The following KCNMA1 variants were observed in gnomAD, a reference collection of about 807,000 sequenced individuals.
KCNMA1 encodes the protein Calcium-activated potassium channel subunit alpha-1.
In KCNMA1, 29 loss-of-function variants were observed where a neutral mutation model predicts 140.0. The ratio of observed to expected loss-of-function variants is 0.21; its 90% CI spans 0.15 to 0.28. The LOEUF (loss-of-function observed/expected upper bound fraction) is 0.28, where lower values mean the gene tolerates loss of function less well. Among genes scored for constraint, KCNMA1 ranks in the 10% least tolerant of loss-of-function variants. The probability of loss-of-function intolerance (pLI) is 1.00; values close to 1 mark genes in which losing one functional copy is unlikely to be tolerated. For synonymous variants in KCNMA1, 612 were observed against 611.9 expected, an observed-to-expected ratio of 1.00 and a Z score of 0.00; for missense variants, 880 against 1,602.2, an observed-to-expected ratio of 0.55 and a Z score of 7.70.
chr10:77,481,206 A>G (rs35787), intron 1 of KCNMA1, among the ~76,000 whole-genome samples: 23,349 of 152,082 alleles, frequency 0.15, 1,957 homozygotes, highest in African/African-American at 0.21. Flanking sequence ...TATTTCTCCA[A>G]TGAAAGCATA....
intron 2 of KCNMA1, among the ~76,000 whole-genome samples, chr10:77,314,894 C>T (rs1042555407): frequency 1.3e-5 from 2 of 150,162 alleles, no homozygotes; most frequent in Non-Finnish European, 3.0e-5. Context: ...TACTTTACAA[C>T]ATGGTTCAGA....
intron 1 of KCNMA1, among the ~76,000 whole-genome samples, chr10:77,496,683 T>C (rs1382589105): frequency 1.4e-5 from 2 of 140,690 alleles, no homozygotes; most frequent in Non-Finnish European, 3.1e-5. Flanking sequence ...ACCATGTTTG[T>C]TTACCTACTT....
At chr10:77,278,635 C>T (rs968266868) in intron 2 of KCNMA1, among the ~76,000 whole-genome samples, 3 of 152,152 alleles carry the variant, frequency 2.0e-5, no homozygotes, top group Non-Finnish European at 4.4e-5. Context: ...AAAATATTTT[C>T]TCTGCCATAT....
intron 1 of KCNMA1, among the ~76,000 whole-genome samples, chr10:77,575,191 A>G (rs576177712): frequency 2.0e-4 from 31 of 152,134 alleles, no homozygotes; most frequent in African/African-American, 7.2e-4. Flanking sequence ...CAACAGCCCC[A>G]CCGTTCCAAT....
chr10:76,952,043 A>T (rs1289986371), intron 21 of KCNMA1: 1 of 1,552,168 alleles, frequency 6.4e-7, no homozygotes. Context: ...TCACCTCCTT[A>T]AACTTTTTTA....
At chr10:76,945,007 G>T in intron 22 of KCNMA1, 42 bp from the exon 23 acceptor site, 1 of 1,528,048 alleles carries the variant, frequency 6.5e-7, no homozygotes, top group Non-Finnish European at 9.1e-7. Context: ...GATGGGGGGA[G>T]AAAGAGACAG....
intron 14 of KCNMA1, among the ~76,000 whole-genome samples, chr10:77,068,187 G>C (rs1158045091): frequency 1.3e-5 from 2 of 152,106 alleles, no homozygotes; most frequent in African/African-American, 2.4e-5. Context: ...GACAAGTTTG[G>C]GTATGGTCAT....
chr10:76,907,199 C>T (rs760676843), intron 25 of KCNMA1, among the ~76,000 whole-genome samples: 1 of 152,178 alleles, frequency 6.6e-6, no homozygotes, highest in Non-Finnish European at 1.5e-5. Flanking sequence ...ACTATTGCAT[C>T]CAAACATGCC....
chr10:77,019,157 A>C (rs1372418655), intron 16 of KCNMA1, 58 bp from the exon 17 acceptor site: 4 of 943,376 alleles, frequency 4.2e-6, no homozygotes, highest in South Asian at 1.3e-5. Context: ...TGTTCTGAAT[A>C]AAACCTTGAA....
At chr10:77,191,335 CATT>C (rs1175682020) in intron 3 of KCNMA1, among the ~76,000 whole-genome samples, 7 of 152,148 alleles carry the variant, frequency 4.6e-5, no homozygotes, top group Non-Finnish European at 1.0e-4. Flanking sequence ...ATGAATTCAT[CATT>C]GAGAAAGCAA....
intron 1 of KCNMA1, among the ~76,000 whole-genome samples, chr10:77,625,949 C>T (rs920966619): frequency 3.9e-5 from 6 of 152,112 alleles, no homozygotes; most frequent in Admixed American, 3.9e-4. Flanking sequence ...CGCATCTGTA[C>T]CACTTTGCAT....
intron 19 of KCNMA1, among the ~76,000 whole-genome samples, chr10:76,993,646 G>C (rs1010225472): frequency 5.9e-5 from 9 of 152,148 alleles, no homozygotes; most frequent in African/African-American, 2.2e-4. Context: ...GGGGCTTCCA[G>C]CTCCCCTCTA....
rs748335143 is a variant in KCNMA1, at chr10:77,185,025, T to C, written c.603-109A>G. On this transcript the variant is annotated intron_variant, in intron 3 of 27. Coordinates refer to ENST00000286628, the MANE Select transcript of KCNMA1 (RefSeq NM_001161352.2). ...CTTAGGGTAGACGATGAAATGAATA[T>C]TCATAAAAGAAAACATTTGGTCTTT... 1.7e-5 allele frequency: 13 copies of C among 772,698 alleles called. No individual in the cohort carries two copies. The East Asian group carries it at 2.8e-4, about 16-fold the overall frequency. 47.9% of individuals were successfully genotyped at this position (772,698 alleles called of 1,614,324 possible).
chr10:77,186,378 C>CA (rs57385699), intron 3 of KCNMA1, among the ~76,000 whole-genome samples: 10,438 of 147,982 alleles, frequency 0.071, 408 homozygotes, highest in South Asian at 0.089. Context: ...AAACAAAAAA[C>CA]AAAAAAAAAC....
chr10:77,193,192 T>C (rs1240010319), intron 3 of KCNMA1, among the ~76,000 whole-genome samples: 1 of 152,170 alleles, frequency 6.6e-6, no homozygotes, highest in East Asian at 1.9e-4. Flanking sequence ...TTTTTCACTG[T>C]TACACTTTTG....
intron 2 of KCNMA1, among the ~76,000 whole-genome samples, chr10:77,318,335 C>T (rs998385553): frequency 3.9e-5 from 6 of 152,108 alleles, no homozygotes; most frequent in Non-Finnish European, 7.4e-5. Context: ...AGAGGTTAAA[C>T]GTGAGGCTCA....
Position 77,374,800 on chromosome 10 carries a change from G to A in KCNMA1, c.540+29062C>T, listed in dbSNP as rs112254411. Reference sequence around the variant, plus strand: ...CCAGCTGGGTTTAATGGGAAAGCTGGTAGGGTTCCCCATGACCCCTAGGAC... The same window carrying A: ...CCAGCTGGGTTTAATGGGAAAGCTGATAGGGTTCCCCATGACCCCTAGGAC... On this transcript the variant is annotated intron_variant, in intron 2 of 27. Transcript: ENST00000286628. 5.5e-3 allele frequency among the ~76,000 whole-genome samples: 836 copies of A among 152,280 alleles called. 8 individuals carry two copies. The highest frequency in any genetic ancestry group is 0.017 in the African/African-American group (694 of 41,548).
rs762760539 is a variant in KCNMA1, at chr10:77,637,316, C to A, written c.327G>T (p.Arg109=). 15 of 1,613,580 alleles carry A rather than the reference C, an allele frequency of 9.3e-6. No homozygotes were observed. Among genetic ancestry groups the A allele is most frequent in the Non-Finnish European group, 1.3e-5 (15 of 1,179,874 alleles). ...FGGLFIILLW[R]TLKYLWTVCC... Reference sequence around the variant, plus strand: ...ACACGGTCCACAGGTACTTGAGCGTCCGCCAGAGCAAGATGATGAAGAGGC... The same window carrying A: ...ACACGGTCCACAGGTACTTGAGCGTACGCCAGAGCAAGATGATGAAGAGGC... The change falls in exon 1 of 28, where the codon CGG becomes CGT. Residue 109 remains arginine (R), a synonymous_variant. Transcript: ENST00000286628.
chr10:77,427,783 T>G (rs2097055967), intron 1 of KCNMA1, among the ~76,000 whole-genome samples: 1 of 151,880 alleles, frequency 6.6e-6, no homozygotes, highest in Non-Finnish European at 1.5e-5. Flanking sequence ...GGAGTCTCGC[T>G]CTGTCACCCA....
Sources: allele counts gnomAD v4.1 joint callset (sites outside exome capture counted in the v4.1 genomes callset), GRCh38; gene constraint gnomAD v4.1.1; transcripts MANE v1.5; gene names NCBI Gene and HGNC (gene_info 2026-07-23, HGNC 2026-07-21).